The following KYNU variants were observed in gnomAD, a reference collection of about 807,000 sequenced individuals.
KYNU encodes L-kynurenine hydrolase.
KYNU carries 54 observed loss-of-function variants against 59.2 expected under a neutral mutation model. The ratio of observed to expected loss-of-function variants is 0.91; its 90% CI spans 0.73 to 1.14. The LOEUF is 1.14. Ranked by LOEUF, KYNU falls within the 50% of genes most tolerant of loss-of-function variation. The pLI, the probability that KYNU is intolerant of heterozygous loss-of-function variation, is 0.00. For missense variants in KYNU, 567 were observed against 554.4 expected (o/e 1.02, Z -0.23); for synonymous variants, 177 against 192.0 (o/e 0.92, Z 0.65).
chr2:142,970,794 C>A (rs796536751), intron 8 of KYNU, among the ~76,000 whole-genome samples: 32 of 152,254 alleles, frequency 2.1e-4, no homozygotes, highest in African/African-American at 7.5e-4. Flanking sequence ...GCTGAATTAT[C>A]AGTATCATAT....
rs61229238 is a variant in KYNU, at chr2:143,047,852, CT to C, written c.*5706del. On this transcript the variant is annotated 3_prime_UTR_variant, in exon 14 of 14. Coordinates refer to ENST00000264170, the MANE Select transcript of KYNU (RefSeq NM_003937.3). ...GGCATAAGCTGCCACTCCTGGACCT[CT>C]TTTTTTTTTTTTTTTTTTTTTTTTT... 47,925 of 100,288 alleles carry C rather than the reference CT, an allele frequency of 0.48. 15,344 individuals are homozygous for C. Among genetic ancestry groups the C allele is most frequent in the Middle Eastern group, 0.61 (111 of 182 alleles). 6.2% of individuals were successfully genotyped at this position (100,288 alleles called of 1,614,324 possible). A position where few individuals can be genotyped will look rare whatever the true frequency, so the allele number is the denominator to read the frequency against.
intron 4 of KYNU, among the ~76,000 whole-genome samples, chr2:142,953,058 G>A (rs1354085418): frequency 1.3e-5 from 2 of 152,024 alleles, no homozygotes; most frequent in Non-Finnish European, 2.9e-5. Flanking sequence ...TTCTGTGGTC[G>A]ACAGGTTTAT....
intron 8 of KYNU, among the ~76,000 whole-genome samples, chr2:142,966,740 A>G (rs893469767): frequency 6.6e-6 from 1 of 152,154 alleles, no homozygotes; most frequent in Non-Finnish European, 1.5e-5. Flanking sequence ...AATCGTGCCA[A>G]CTTCACAGGT....
intron 10 of KYNU, among the ~76,000 whole-genome samples, chr2:143,025,912 T>A (rs1292463058): frequency 2.6e-5 from 4 of 152,236 alleles, no homozygotes; most frequent in Non-Finnish European, 5.9e-5. Context: ...TGATGGATTT[T>A]AAAAAATTAA....
chr2:142,959,077 C>T (rs1684257602), intron 7 of KYNU, among the ~76,000 whole-genome samples: 1 of 151,912 alleles, frequency 6.6e-6, no homozygotes, highest in African/African-American at 2.4e-5. Flanking sequence ...TAAACAAATT[C>T]CTGGTTTCTT....
intron 10 of KYNU, among the ~76,000 whole-genome samples, chr2:143,013,276 C>T (rs57121239): frequency 2.1e-5 from 3 of 144,984 alleles, no homozygotes; most frequent in African/African-American, 5.3e-5. Flanking sequence ...CCCTGTCTCT[C>T]TCTGTTTCTC....
At chr2:142,924,764 G>A (rs752462672) in intron 3 of KYNU, among the ~76,000 whole-genome samples, 4 of 152,108 alleles carry the variant, frequency 2.6e-5, no homozygotes, top group African/African-American at 4.8e-5. Context: ...TCTATGCTGC[G>A]ACTATTTTAA....
chr2:142,913,827 G>A (rs1682585563), intron 2 of KYNU, among the ~76,000 whole-genome samples: 1 of 152,202 alleles, frequency 6.6e-6, no homozygotes, highest in Non-Finnish European at 1.5e-5. Context: ...AACCATCTAA[G>A]TCTTTTCATA....
intron 10 of KYNU, among the ~76,000 whole-genome samples, chr2:143,003,917 G>C (rs1685787492): frequency 6.6e-6 from 1 of 151,054 alleles, no homozygotes; most frequent in Non-Finnish European, 1.5e-5. Flanking sequence ...GACATATTGT[G>C]TTTTGGGCAG....
At chr2:142,940,593 AT>A (rs1683564377) in intron 4 of KYNU, among the ~76,000 whole-genome samples, 1 of 152,256 alleles carries the variant, frequency 6.6e-6, no homozygotes, top group Non-Finnish European at 1.5e-5. Flanking sequence ...AAAACAAAAA[AT>A]AAGAGAAAGA....
intron 8 of KYNU, among the ~76,000 whole-genome samples, chr2:142,972,813 T>TATATATATATAG (rs1478067181): frequency 1.4e-4 from 17 of 124,222 alleles, no homozygotes; most frequent in African/African-American, 4.4e-4. Flanking sequence ...TATATATATA[T>TATATATATATAG]AGAGAGAGAG....
intron 10 of KYNU, among the ~76,000 whole-genome samples, chr2:143,014,550 G>T (rs1429492653): frequency 6.6e-6 from 1 of 152,156 alleles, no homozygotes; most frequent in Non-Finnish European, 1.5e-5. Context: ...AATTGTCTCT[G>T]CTATAAGTTT....
chr2:142,897,255 T>TGAAA (rs1302158162), intron 2 of KYNU, among the ~76,000 whole-genome samples: 6 of 152,224 alleles, frequency 3.9e-5, no homozygotes, highest in Middle Eastern at 3.2e-3. Context: ...ATTCATTTGG[T>TGAAA]TCCTGGCGTT....
intron 10 of KYNU, among the ~76,000 whole-genome samples, chr2:143,011,233 C>G (rs1686087973): frequency 7.3e-6 from 1 of 136,352 alleles, no homozygotes; most frequent in East Asian, 2.3e-4. Context: ...ACAAACAACC[C>G]CATCAAAAAG....
At chr2:143,015,075 A>G (rs189215180) in intron 10 of KYNU, among the ~76,000 whole-genome samples, 1 of 152,152 alleles carries the variant, frequency 6.6e-6, no homozygotes, top group African/African-American at 2.4e-5. Context: ...TTGTTTTTTA[A>G]GAGACAGATC....
intron 1 of KYNU, among the ~76,000 whole-genome samples, chr2:142,884,962 A>G (rs1274656369): frequency 6.1e-5 from 9 of 146,818 alleles, no homozygotes; most frequent in African/African-American, 1.2e-4. Context: ...AAATAGGCCA[A>G]GCGTGGTGGC....
intron 11 of KYNU, among the ~76,000 whole-genome samples, chr2:143,030,653 C>CTATTA (rs1475936627): frequency 8.0e-5 from 12 of 150,476 alleles, no homozygotes; most frequent in South Asian, 6.3e-4. Context: ...GATGATGATG[C>CTATTA]TGATTATTAT....
At chr2:142,965,888 C>G (rs164605) in intron 8 of KYNU, among the ~76,000 whole-genome samples, 49,999 of 151,884 alleles carry the variant, frequency 0.33, 9,149 homozygotes, top group South Asian at 0.55. Context: ...TTCCTCTTTC[C>G]TCTTTCATTG....
At position 143,051,191 on chromosome 2, in the gene KYNU, G is replaced by A. The variant is rs1042594169; in HGVS notation, c.*9019G>A. ...TTCTCTAGTTTTTCAACTTTTGATT[G>A]TTTAAGATGGTTCTTGAGTCCTTTT... On this transcript the variant is annotated 3_prime_UTR_variant, in exon 14 of 14. Transcript: ENST00000264170. The A allele has an allele frequency of 3.3e-5, 5 of 152,074 alleles. No homozygotes were observed. The highest frequency in any genetic ancestry group is 1.2e-4 in the African/African-American group (5 of 41,434). 9.4% of individuals were successfully genotyped at this position (152,074 alleles called of 1,614,324 possible). A position where few individuals can be genotyped will look rare whatever the true frequency, so the allele number is the denominator to read the frequency against.
Sources: gnomAD v4.1 joint callset for allele counts (sites outside exome capture counted in the v4.1 genomes callset) on GRCh38, gnomAD v4.1.1 for gene constraint, MANE v1.5 for transcripts, NCBI Gene and HGNC (gene_info 2026-07-23, HGNC 2026-07-21) for gene names.